RAB11FIP5: variants seen among roughly 807,000 people sequenced by gnomAD.
RAB11FIP5 encodes the protein RAB11 family interacting protein 5.
Under a neutral mutation model 85.1 loss-of-function variants are expected in RAB11FIP5, and 48 were observed. That is an observed-to-expected ratio of 0.56 (90% confidence interval 0.45 to 0.72). RAB11FIP5 has a LOEUF of 0.72. Ranked by LOEUF, RAB11FIP5 falls within the 30% of genes least tolerant of loss-of-function variation. The pLI is 0.00. For synonymous variants in RAB11FIP5, 729 were observed against 727.3 expected (o/e 1.00, Z -0.04); for missense variants, 1,491 against 1,687.0 (o/e 0.88, Z 2.04).
chr2:73,099,612 G>A (rs958712625), intron 1 of RAB11FIP5, among the ~76,000 whole-genome samples: 3 of 152,214 alleles, frequency 2.0e-5, no homozygotes, highest in South Asian at 2.1e-4. Flanking sequence ...ATTCCCCAGC[G>A]TCACGCCACA....
chr2:73,096,450 G>A (rs76020700), intron 1 of RAB11FIP5, among the ~76,000 whole-genome samples: 10,274 of 152,172 alleles, frequency 0.068, 609 homozygotes, highest in Admixed American at 0.17. Context: ...AGCAGGCCTG[G>A]ACACATCTAA....
chr2:73,099,471 C>G (rs186528392), intron 1 of RAB11FIP5, among the ~76,000 whole-genome samples: 1 of 152,174 alleles, frequency 6.6e-6, no homozygotes, highest in Non-Finnish European at 1.5e-5. Flanking sequence ...GCCAGGTCCT[C>G]CCCTCCCTGC....
intron 1 of RAB11FIP5, among the ~76,000 whole-genome samples, chr2:73,103,900 C>T (rs2106122609): frequency 6.6e-6 from 1 of 152,242 alleles, no homozygotes; most frequent in South Asian, 2.1e-4. Flanking sequence ...ATCCCCCTCC[C>T]CAGTGTGCTC....
intron 3 of RAB11FIP5, among the ~76,000 whole-genome samples, chr2:73,087,113 G>C (rs56026282): frequency 0.06 from 9,084 of 152,264 alleles, 321 homozygotes; most frequent in East Asian, 0.14. Context: ...CCATGGAGCG[G>C]GAAGGGCAGG....
chr2:73,094,229 C>T lies in RAB11FIP5; in HGVS notation c.432-4914G>A, dbSNP rs556754532. Among the ~76,000 whole-genome samples, 133 of 152,202 alleles carry T rather than the reference C, an allele frequency of 8.7e-4. 3 individuals are homozygous for T. The South Asian group carries it at 0.027, about 30-fold the overall frequency. Reference sequence around the variant, plus strand: ...GGAGATTCTGCTACTGTTCCTTCCTCCCTACCTGATCAAGGTTTTTTCTCC... The same window carrying T: ...GGAGATTCTGCTACTGTTCCTTCCTTCCTACCTGATCAAGGTTTTTTCTCC... On this transcript the variant is annotated intron_variant, in intron 1 of 5. Transcript: ENST00000486777.
Position 73,075,800 on chromosome 2 carries a change from G to A in RAB11FIP5, c.3772-76C>T, listed in dbSNP as rs1213026480. The A allele has an allele frequency of 1.1e-5, 16 of 1,491,848 alleles. No individual in the cohort carries two copies. The highest frequency in any genetic ancestry group is 2.8e-5 in the African/African-American group (2 of 71,668). 92.4% of individuals were successfully genotyped at this position (1,491,848 alleles called of 1,614,324 possible). On this transcript the variant is annotated intron_variant, in intron 5 of 5. Transcript: ENST00000486777. The surrounding 1 kb of genome is among the most constrained non-coding windows in gnomAD (Gnocchi z 4.6). The stretch of plus-strand genomic sequence containing the variant: ...TGCCTGCCCGCTTGCCCGCCCGCCC[G>A]CCTGCCCACCAACACCTAAGTTTCA...
chr2:73,084,558 G>A (rs1684058628), intron 3 of RAB11FIP5, among the ~76,000 whole-genome samples: 2 of 152,128 alleles, frequency 1.3e-5, no homozygotes, highest in Non-Finnish European at 1.5e-5. Flanking sequence ...CAACCTGAGG[G>A]AATAAAACTT....
rs952863432 is a variant in RAB11FIP5 at position 73,080,279 on chromosome 2, G to A, written c.2953C>T (p.Pro985Ser). ...GCAGACAGGCAGGGCCCAGACACAG[G>A]GGGGCTGGCATCCTCCACTAGCTCT... The part of the protein sequence containing the change: ...LEELVEDASP[P>S]VSGPCLSAPA... The change falls in exon 4 of 6, where the codon CCT (proline) becomes TCT (serine). Residue 985 changes from proline (P) to serine (S), a missense_variant. Around this residue, in one of 3 missense-constraint regions of RAB11FIP5, gnomAD observed 1,211 missense variants for 1,338.0 expected, o/e 0.91. Coordinates refer to ENST00000486777, the MANE Select transcript of RAB11FIP5 (RefSeq NM_001371272.1). 1 of 1,232,972 alleles carries A rather than the reference G, an allele frequency of 8.1e-7. No homozygotes were observed. The highest frequency in any genetic ancestry group is 1.0e-6 in the Non-Finnish European group (1 of 988,676). 76.4% of individuals were successfully genotyped at this position (1,232,972 alleles called of 1,614,324 possible). A position where few individuals can be genotyped will look rare whatever the true frequency, so the allele number is the denominator to read the frequency against.
intron 1 of RAB11FIP5, among the ~76,000 whole-genome samples, chr2:73,100,031 T>C (rs1317621976): frequency 6.6e-6 from 1 of 151,674 alleles, no homozygotes; most frequent in Non-Finnish European, 1.5e-5. Context: ...GGTGGGAGAG[T>C]CTTCTAAAAG....
At position 73,088,286 on chromosome 2, in the gene RAB11FIP5, A is replaced by C; in HGVS notation, c.1332T>G (p.Ser444=). ...CTCCCTCCTTCTCTGCCACAGCCTC[A>C]GAGGAGGCCACTATGGGTGTGGCAA... The part of the protein sequence containing the change: ...VQVATPIVAS[S]EAVAEKEGAR... The change falls in exon 3 of 6, where the codon TCT becomes TCG. Residue 444 remains serine, a synonymous_variant. Coordinates refer to ENST00000486777, the MANE Select transcript of RAB11FIP5 (RefSeq NM_001371272.1). 6.2e-7 allele frequency: 1 copy of C among 1,613,838 alleles called. No individual in the cohort carries two copies. The highest frequency in any genetic ancestry group is 8.5e-7 in the Non-Finnish European group (1 of 1,179,988).
chr2:73,099,111 A>C (rs1684382049), intron 1 of RAB11FIP5, among the ~76,000 whole-genome samples: 1 of 140,530 alleles, frequency 7.1e-6, no homozygotes. Context: ...GTGCAATGGC[A>C]CAGTCTCGGC....
chr2:73,092,349 G>A (rs1013930471), intron 1 of RAB11FIP5, among the ~76,000 whole-genome samples: 4 of 152,252 alleles, frequency 2.6e-5, no homozygotes, highest in African/African-American at 9.6e-5. Flanking sequence ...CACCACAGCG[G>A]TAATGCAATT....
At chr2:73,079,585 C>G in intron 4 of RAB11FIP5, 66 bp downstream of exon 4, 1 of 1,232,146 alleles carries the variant, frequency 8.1e-7, no homozygotes, top group South Asian at 4.1e-5. Context: ...CCCTCAGTCC[C>G]TTGGGCTGTT....
At position 73,075,561 on chromosome 2, in the gene RAB11FIP5, G is replaced by A. The variant is rs201908082; in HGVS notation, c.3935C>T (p.Ser1312Leu). Residue 1312 changes from serine to leucine, a missense_variant, in exon 6 of 6, where the codon TCA becomes TTA. Physicochemically the swap from Ser to Leu is moderately radical, Grantham distance 145. Transcript: ENST00000486777. This position sits in a 1 kb window ranked among gnomAD's most constrained non-coding sequence, Gnocchi z 4.6. ...DRLLVRIMET[S>L]PTLLQIPPGP... ...CGGGGGGATCTGCAGCAGCGTGGGT[G>A]AGGTCTCCATGATCCGCACCAGCAG... 3.7e-6 allele frequency: 6 copies of A among 1,614,160 alleles called. No homozygotes were observed. In the East Asian group the frequency reaches 1.3e-4, roughly 36 times the overall value.
intron 1 of RAB11FIP5, among the ~76,000 whole-genome samples, chr2:73,109,586 T>C (rs1330830989): frequency 6.6e-6 from 1 of 152,150 alleles, no homozygotes; most frequent in Non-Finnish European, 1.5e-5. Context: ...CAGGGGCAGC[T>C]CCAGGCAGGG....
intron 1 of RAB11FIP5, among the ~76,000 whole-genome samples, chr2:73,107,367 A>C (rs1684548484): frequency 6.6e-6 from 1 of 152,150 alleles, no homozygotes; most frequent in Non-Finnish European, 1.5e-5. Flanking sequence ...CACAGCACTG[A>C]GGTGGCAGCA....
chr2:73,101,247 A>G (rs1684424710), intron 1 of RAB11FIP5, among the ~76,000 whole-genome samples: 1 of 151,954 alleles, frequency 6.6e-6, no homozygotes, highest in Non-Finnish European at 1.5e-5. Flanking sequence ...AATGTGTGAC[A>G]GTCTTGAGGA....
chr2:73,076,150 G>A lies in RAB11FIP5; in HGVS notation c.3614C>T (p.Pro1205Leu). The A allele has an allele frequency of 3.7e-6, 6 of 1,613,160 alleles. No individual in the cohort carries two copies. The highest frequency in any genetic ancestry group is 5.1e-6 in the Non-Finnish European group (6 of 1,179,238). ...PHPVKPLSAAPVEGSPDRKQS... is the reference protein window; with the variant it reads ...PHPVKPLSAALVEGSPDRKQS... ...CTTCCTGTCGGGGCTGCCCTCCACA[G>A]GGGCGGCACTGAGGGGCTTCACGGG... Residue 1205 changes from proline to leucine, a missense_variant, in exon 5 of 6, where the codon CCT becomes CTT. Coordinates refer to ENST00000486777, the MANE Select transcript of RAB11FIP5 (RefSeq NM_001371272.1).
At chr2:73,104,981 T>C (rs186986292) in intron 1 of RAB11FIP5, among the ~76,000 whole-genome samples, 3 of 152,300 alleles carry the variant, frequency 2.0e-5, no homozygotes, top group Admixed American at 1.3e-4. Context: ...GTGGTTACAA[T>C]GGTTGTCCAG....
Sources: allele counts gnomAD v4.1 joint callset (sites outside exome capture counted in the v4.1 genomes callset), GRCh38; gene constraint gnomAD v4.1.1; regional missense constraint gnomAD v4.1.1; non-coding constraint Gnocchi (gnomAD v3.1); transcripts MANE v1.5; gene names NCBI Gene and HGNC (gene_info 2026-07-23, HGNC 2026-07-21).